TENM2: variants seen among roughly 807,000 people sequenced by gnomAD.
TENM2 encodes teneurin transmembrane protein 2.
Under a neutral mutation model 245.2 loss-of-function variants are expected in TENM2, and 52 were observed. The observed-to-expected ratio is 0.21, with a 90% CI of 0.17 to 0.27. The LOEUF is 0.27. TENM2 is among the 10% of genes least tolerant of loss of function. The pLI is 1.00. For missense variants in TENM2, 3,046 were observed against 3,666.8 expected (o/e 0.83, Z 4.37); for synonymous variants, 1,363 against 1,438.9 (o/e 0.95, Z 1.19).
chr5:167,953,917 T>C (rs1240039488), intron 4 of TENM2, among the ~76,000 whole-genome samples: 2 of 152,180 alleles, frequency 1.3e-5, no homozygotes, highest in African/African-American at 4.8e-5. Context: ...ATGTTATACA[T>C]CTTTGTCACT....
At chr5:167,299,622 A>G (rs1206555457) in intron 1 of TENM2, among the ~76,000 whole-genome samples, 1 of 152,184 alleles carries the variant, frequency 6.6e-6, no homozygotes, top group South Asian at 2.1e-4. Flanking sequence ...CCTGTACTAT[A>G]GCATAGCCTG....
At chr5:167,513,441 C>T (rs527764955) in intron 2 of TENM2, among the ~76,000 whole-genome samples, 4 of 152,092 alleles carry the variant, frequency 2.6e-5, no homozygotes, top group Admixed American at 1.3e-4. Flanking sequence ...TTAAAGTGCC[C>T]GGTTTTATAA....
At chr5:167,433,134 C>T (rs1764349264) in intron 2 of TENM2, among the ~76,000 whole-genome samples, 3 of 150,852 alleles carry the variant, frequency 2.0e-5, no homozygotes, top group African/African-American at 7.3e-5. Flanking sequence ...TTTTTAGTAA[C>T]AGACACATGC....
intron 2 of TENM2, among the ~76,000 whole-genome samples, chr5:167,375,987 G>C (rs887868844): frequency 1.3e-5 from 2 of 152,160 alleles, no homozygotes; most frequent in African/African-American, 4.8e-5. Flanking sequence ...AATAGGAAGA[G>C]ACTTGTCTTC....
chr5:167,998,588 G>C (rs747889161), intron 5 of TENM2, among the ~76,000 whole-genome samples: 2 of 152,126 alleles, frequency 1.3e-5, no homozygotes, highest in Non-Finnish European at 2.9e-5. Flanking sequence ...ACACTTCACG[G>C]GGTTGGTAAG....
intron 27 of TENM2, among the ~76,000 whole-genome samples, chr5:168,249,223 G>A (rs1766874882): frequency 6.6e-6 from 1 of 152,050 alleles, no homozygotes; most frequent in Admixed American, 6.6e-5. Flanking sequence ...CATTACTAGA[G>A]AAGCAATGAG....
chr5:167,993,932 C>A (rs113031206), intron 5 of TENM2, among the ~76,000 whole-genome samples: 2 of 152,160 alleles, frequency 1.3e-5, no homozygotes, highest in Non-Finnish European at 2.9e-5. Flanking sequence ...AGGGTGTAGC[C>A]GTGTCACCAC....
rs150680663 is a variant in TENM2, at chr5:167,951,867, C to T, written c.713-721C>T. Among the ~76,000 whole-genome samples the T allele has an allele frequency of 2.2e-3, 331 of 151,510 alleles. 1 individual carries two copies. The highest frequency in any genetic ancestry group is 7.7e-3 in the African/African-American group (320 of 41,428). ...ATATGTGTGTATACACACATACATA[C>T]GCAAATATGTGTGTATACACACATA... On this transcript the variant is annotated intron_variant, in intron 3 of 28. Transcript: ENST00000518659.
At chr5:167,376,607 T>G (rs188237858) in intron 2 of TENM2, among the ~76,000 whole-genome samples, 2 of 152,272 alleles carry the variant, frequency 1.3e-5, no homozygotes, top group Admixed American at 6.5e-5. Context: ...GAATTTAAAT[T>G]TATGTTTAAT....
At chr5:167,341,701 A>T (rs1348929277) in intron 1 of TENM2, among the ~76,000 whole-genome samples, 3 of 151,590 alleles carry the variant, frequency 2.0e-5, no homozygotes, top group Non-Finnish European at 4.4e-5. Context: ...TTTTATATAT[A>T]TTTTATATAG....
In TENM2 at chr5:167,949,672, G is replaced by A. The variant is rs545884369; in HGVS notation, c.713-2916G>A. On this transcript the variant is annotated intron_variant, in intron 3 of 28. Coordinates refer to ENST00000518659, the Ensembl canonical transcript of TENM2. ...GAGAATGAAAGAAATGAGGTAGCAC[G>A]CCCAGGTTCACACAACTAGAAAGTG... Among the ~76,000 whole-genome samples, 46 of 152,244 alleles carry A rather than the reference G, an allele frequency of 3.0e-4. No individual in the cohort carries two copies. The Middle Eastern group carries it at 0.01, about 34-fold the overall frequency.
At chr5:167,048,622 C>G in the TENM2 span, among the ~76,000 whole-genome samples, 1 of 152,128 alleles carries the variant, frequency 6.6e-6, no homozygotes, top group African/African-American at 2.4e-5. Flanking sequence ...TTATTTTGTT[C>G]TGATTTCATT....
At chr5:167,586,568 G>A (rs529541352) in intron 2 of TENM2, among the ~76,000 whole-genome samples, 5 of 152,260 alleles carry the variant, frequency 3.3e-5, no homozygotes, top group African/African-American at 1.2e-4. Context: ...CTTCTCCAGG[G>A]TGTCCTGTTG....
At chr5:167,497,165 G>C (rs533608058) in intron 2 of TENM2, among the ~76,000 whole-genome samples, 2 of 152,132 alleles carry the variant, frequency 1.3e-5, no homozygotes, top group Non-Finnish European at 2.9e-5. Flanking sequence ...CCCAGGTGAA[G>C]AAGATGCGTG....
chr5:167,100,795 T>A, the TENM2 span, among the ~76,000 whole-genome samples: 1 of 152,138 alleles, frequency 6.6e-6, no homozygotes, highest in East Asian at 1.9e-4. Context: ...ATCCAGAGAA[T>A]TAATTCAGGC....
intron 12 of TENM2, among the ~76,000 whole-genome samples, chr5:168,156,492 T>C (rs1757197374): frequency 6.6e-6 from 1 of 152,176 alleles, no homozygotes; most frequent in African/African-American, 2.4e-5. Context: ...TATTTCTCTC[T>C]TCGTACCCCT....
chr5:167,972,188 G>A (rs868697458), intron 4 of TENM2, among the ~76,000 whole-genome samples: 7 of 152,152 alleles, frequency 4.6e-5, no homozygotes. Flanking sequence ...AAATGGAAAG[G>A]AATATTCCCT....
intron 1 of TENM2, among the ~76,000 whole-genome samples, chr5:167,351,012 TATATATATATGGGA>T (rs1758863145): frequency 6.2e-5 from 3 of 48,230 alleles, no homozygotes; most frequent in African/African-American, 1.2e-4. Flanking sequence ...TACATATGGA[TATATATATATGGGA>T]TATATACATA....
chr5:167,274,997 TATATATAC>T, the TENM2 span, among the ~76,000 whole-genome samples: 1 of 151,992 alleles, frequency 6.6e-6, no homozygotes, highest in Non-Finnish European at 1.5e-5. Flanking sequence ...GTCAGAAGAA[TATATATAC>T]ATATAAATAT....
Sources: gnomAD v4.1 joint callset for allele counts (sites outside exome capture counted in the v4.1 genomes callset) on GRCh38, gnomAD v4.1.1 for gene constraint, MANE v1.5 for transcripts, NCBI Gene and HGNC (gene_info 2026-07-23, HGNC 2026-07-21) for gene names.